The following PPP1R12B variants were observed in gnomAD, a reference collection of about 807,000 sequenced individuals.
The protein encoded by PPP1R12B is protein phosphatase 1 regulatory subunit 12B.
Under a neutral mutation model 126.1 loss-of-function variants are expected in PPP1R12B, and 76 were observed. The observed-to-expected ratio is 0.60, with a 90% confidence interval of 0.50 to 0.73. PPP1R12B has a LOEUF of 0.73. Among genes scored for constraint, PPP1R12B ranks in the 30% least tolerant of loss-of-function variants. PPP1R12B has a pLI of 0.00. For synonymous variants in PPP1R12B, 356 were observed against 434.7 expected (o/e 0.82, Z 2.25); for missense variants, 1,052 against 1,205.1 (o/e 0.87, Z 1.88).
chr1:202,401,902 G>A (rs1326285596), intron 1 of PPP1R12B, among the ~76,000 whole-genome samples: 2 of 151,824 alleles, frequency 1.3e-5, no homozygotes, highest in African/African-American at 4.8e-5. Flanking sequence ...CAGATTGAAA[G>A]CAAGGTAACA....
intron 23 of PPP1R12B, among the ~76,000 whole-genome samples, chr1:202,579,143 ATTAT>A (rs997214603): frequency 1.3e-5 from 2 of 152,226 alleles, no homozygotes; most frequent in African/African-American, 2.4e-5. Flanking sequence ...CCTGATACAA[ATTAT>A]TTATGTATCT....
chr1:202,585,396 A>C lies in PPP1R12B; in HGVS notation c.*4836A>C, dbSNP rs1182518511. 6.6e-6 allele frequency: 1 copy of C among 152,268 alleles called. No homozygotes were observed. The allele number at this position is 152,268 out of a possible 1,614,324, so 9.4% of individuals were successfully genotyped here. A position where few individuals can be genotyped will look rare whatever the true frequency, so the allele number is the denominator to read the frequency against. ...TTTGAGGACAAAAAGGCAACATTAAAAGATAAGACCCTAGAAGTCAGAACA... is the reference window on the plus strand; with the variant it reads ...TTTGAGGACAAAAAGGCAACATTAACAGATAAGACCCTAGAAGTCAGAACA... On this transcript the variant is annotated 3_prime_UTR_variant, in exon 24 of 24. Coordinates refer to ENST00000608999, the MANE Select transcript of PPP1R12B (RefSeq NM_002481.4).
intron 2 of PPP1R12B, chr1:202,417,484 A>G: frequency 1.1e-6 from 1 of 902,236 alleles, no homozygotes; most frequent in Non-Finnish European, 1.3e-6. Flanking sequence ...TCTCCAGGAC[A>G]ACTAGTTGCC....
intron 18 of PPP1R12B, among the ~76,000 whole-genome samples, chr1:202,540,707 A>T (rs528453159): frequency 6.6e-6 from 1 of 152,166 alleles, no homozygotes; most frequent in Non-Finnish European, 1.5e-5. Context: ...GTATTCATGT[A>T]TGTATGTATA....
chr1:202,506,437 C>T (rs902850466), intron 18 of PPP1R12B, among the ~76,000 whole-genome samples: 5 of 152,312 alleles, frequency 3.3e-5, no homozygotes, highest in Non-Finnish European at 7.4e-5. Flanking sequence ...ACATGTATTC[C>T]TTTGAGACCC....
intron 18 of PPP1R12B, among the ~76,000 whole-genome samples, chr1:202,553,527 T>C (rs1352572625): frequency 6.6e-6 from 1 of 152,202 alleles, no homozygotes; most frequent in African/African-American, 2.4e-5. Flanking sequence ...TTCTAAAATA[T>C]ATGATATCAT....
intron 1 of PPP1R12B, among the ~76,000 whole-genome samples, chr1:202,416,356 A>G (rs1329662679): frequency 6.6e-6 from 1 of 152,014 alleles, no homozygotes; most frequent in Non-Finnish European, 1.5e-5. Context: ...GAGAAACCCC[A>G]TCTCTACTAA....
intron 18 of PPP1R12B, among the ~76,000 whole-genome samples, chr1:202,555,347 A>AAAAAAAAAAAAAAAAAAC (rs1686795669): frequency 7.0e-6 from 1 of 143,816 alleles, no homozygotes; most frequent in Non-Finnish European, 1.5e-5. Flanking sequence ...AAAAAAAAAA[A>AAAAAAAAAAAAAAAAAAC]AAAAAAGCTT....
chr1:202,402,294 TTGGTAC>T (rs1665960321), intron 1 of PPP1R12B, among the ~76,000 whole-genome samples: 1 of 152,254 alleles, frequency 6.6e-6, no homozygotes, highest in Admixed American at 6.5e-5. Flanking sequence ...TCTTGTTACC[TTGGTAC>T]TACCAGTAAG....
Position 202,485,825 on chromosome 1 carries a change from A to C in PPP1R12B, c.1851-2708A>C, listed in dbSNP as rs1011597432. On this transcript the variant is annotated intron_variant, in intron 13 of 23. Coordinates refer to ENST00000608999, the MANE Select transcript of PPP1R12B (RefSeq NM_002481.4). The stretch of plus-strand genomic sequence containing the variant: ...GAGAGGATGGGCTTTAGGTAACTCA[A>C]TTTGGCCATCCTGCTGACATCACTC... 7.9e-5 allele frequency among the ~76,000 whole-genome samples: 12 copies of C among 152,084 alleles called. No individual in the cohort carries two copies. The East Asian group carries it at 1.2e-3, about 15-fold the overall frequency.
chr1:202,366,517 C>CAA (rs10570958), intron 1 of PPP1R12B, among the ~76,000 whole-genome samples: 7 of 73,042 alleles, frequency 9.6e-5, no homozygotes, highest in African/African-American at 2.8e-4. Context: ...GACTCCATCT[C>CAA]AAAAAAAAAA....
chr1:202,564,050 A>G (rs1465714373), intron 20 of PPP1R12B, among the ~76,000 whole-genome samples: 2 of 152,196 alleles, frequency 1.3e-5, no homozygotes, highest in Non-Finnish European at 2.9e-5. Flanking sequence ...ACAGAGCAAG[A>G]CCCTGTCTCC....
chr1:202,446,249 TATA>T (rs1459912186), intron 12 of PPP1R12B, among the ~76,000 whole-genome samples: 18 of 65,758 alleles, frequency 2.7e-4, no homozygotes, highest in African/African-American at 1.2e-3. Context: ...TATATATATA[TATA>T]TATATTTTTT....
At chr1:202,445,150 G>T in intron 12 of PPP1R12B, 2 of 1,246,664 alleles carry the variant, frequency 1.6e-6, no homozygotes, top group African/African-American at 1.5e-5. Flanking sequence ...TCTACCTCTC[G>T]GGGCAGCCAG....
chr1:202,545,618 G>T (rs1168022827), intron 18 of PPP1R12B, among the ~76,000 whole-genome samples: 4 of 152,214 alleles, frequency 2.6e-5, no homozygotes, highest in Non-Finnish European at 2.9e-5. Flanking sequence ...CACAGTTCCT[G>T]CCCTCAAAGA....
chr1:202,357,912 ATTATAAC>A (rs1187009024), intron 1 of PPP1R12B, among the ~76,000 whole-genome samples: 1 of 152,328 alleles, frequency 6.6e-6, no homozygotes, highest in Admixed American at 6.5e-5. Context: ...GTTGGTTACT[ATTATAAC>A]TTATAATAGG....
At chr1:202,423,829 G>T (rs1008911115) in intron 3 of PPP1R12B, among the ~76,000 whole-genome samples, 4 of 152,050 alleles carry the variant, frequency 2.6e-5, no homozygotes, top group African/African-American at 9.7e-5. Flanking sequence ...GACTACAGGT[G>T]TGCACCACCA....
chr1:202,574,823 C>A, intron 23 of PPP1R12B: 1 of 549,982 alleles, frequency 1.8e-6, no homozygotes, highest in Non-Finnish European at 3.2e-6. Context: ...CTCCATCATC[C>A]TTCCACCTGC....
chr1:202,357,696 C>G (rs1401567945), intron 1 of PPP1R12B, among the ~76,000 whole-genome samples: 2 of 152,054 alleles, frequency 1.3e-5, no homozygotes, highest in African/African-American at 4.8e-5. Flanking sequence ...GGCCCATTTC[C>G]CACTCATTAG....
Sources: allele counts gnomAD v4.1 joint callset (sites outside exome capture counted in the v4.1 genomes callset), GRCh38; gene constraint gnomAD v4.1.1; transcripts MANE v1.5; gene names NCBI Gene and HGNC (gene_info 2026-07-23, HGNC 2026-07-21).